RABGAP1L: variants seen among roughly 807,000 people sequenced by gnomAD.
RABGAP1L encodes the protein rab GTPase-activating protein 1-like.
A neutral mutation model predicts 137.7 loss-of-function variants in RABGAP1L; 63 were observed. The ratio of observed to expected loss-of-function variants is 0.46; its 90% CI spans 0.37 to 0.56. RABGAP1L has a LOEUF of 0.56. RABGAP1L is among the 20% of genes least tolerant of loss of function. RABGAP1L has a pLI of 0.00. For missense variants in RABGAP1L, 1,095 were observed against 1,244.0 expected, an observed-to-expected ratio of 0.88 and a Z score of 1.80; for synonymous variants, 431 against 433.7, an observed-to-expected ratio of 0.99 and a Z score of 0.08.
intron 13 of RABGAP1L, among the ~76,000 whole-genome samples, chr1:174,403,058 A>C (rs1648800924): frequency 6.6e-6 from 1 of 152,090 alleles, no homozygotes; most frequent in South Asian, 2.1e-4. Context: ...TAACGTGTGT[A>C]CTGTATACTT....
intron 17 of RABGAP1L, among the ~76,000 whole-genome samples, chr1:174,730,864 G>GA (rs879922940): frequency 6.6e-6 from 1 of 151,954 alleles, no homozygotes; most frequent in Admixed American, 6.6e-5. Flanking sequence ...TTGTGGCCTA[G>GA]AAAAAAAACT....
At chr1:174,947,799 G>A (rs1667120962) in intron 19 of RABGAP1L, among the ~76,000 whole-genome samples, 1 of 152,170 alleles carries the variant, frequency 6.6e-6, no homozygotes, top group South Asian at 2.1e-4. Context: ...CGAAGAATAT[G>A]GTTTTTCTCT....
At chr1:174,222,907 G>A (rs1453968155) in intron 3 of RABGAP1L, among the ~76,000 whole-genome samples, 6 of 152,076 alleles carry the variant, frequency 3.9e-5, no homozygotes, top group African/African-American at 7.2e-5. Flanking sequence ...AGGGTGAGGC[G>A]GGCAGATCAC....
At chr1:174,497,489 T>G (rs1182690539) in intron 13 of RABGAP1L, among the ~76,000 whole-genome samples, 2 of 152,200 alleles carry the variant, frequency 1.3e-5, no homozygotes, top group African/African-American at 4.8e-5. Context: ...AACCTTACTG[T>G]GTTTGTGTAA....
Position 174,254,021 on chromosome 1 carries a change from C to T in RABGAP1L, c.986+1431C>T, listed in dbSNP as rs183678979. 3.2e-4 allele frequency among the ~76,000 whole-genome samples: 48 copies of T among 152,040 alleles called. 1 individual carries two copies. The highest frequency in any genetic ancestry group is 1.1e-3 in the African/African-American group (46 of 41,500). ...GGATGAGGGTGGGAGGCAATTGAGG[C>T]GCTGGCTGATGGCATCATGGCCACT... On this transcript the variant is annotated intron_variant, in intron 7 of 25. Coordinates refer to ENST00000681986, the MANE Select transcript of RABGAP1L (RefSeq NM_001366446.1).
At chr1:174,364,518 T>C (rs1352263973) in intron 11 of RABGAP1L, among the ~76,000 whole-genome samples, 1 of 151,902 alleles carries the variant, frequency 6.6e-6, no homozygotes, top group Non-Finnish European at 1.5e-5. Flanking sequence ...CCTCCCAAAG[T>C]GCTGGGATTA....
intron 13 of RABGAP1L, among the ~76,000 whole-genome samples, chr1:174,410,285 C>G (rs888299369): frequency 1.1e-4 from 17 of 152,008 alleles, no homozygotes; most frequent in African/African-American, 3.9e-4. Context: ...AAATTATTTC[C>G]CAAGGCTGAT....
intron 13 of RABGAP1L, among the ~76,000 whole-genome samples, chr1:174,527,799 A>T (rs1664031639): frequency 6.6e-6 from 1 of 151,934 alleles, no homozygotes; most frequent in South Asian, 2.1e-4. Context: ...TTTATTTATG[A>T]ATGTGGGTGC....
chr1:174,749,458 A>T (rs1338599312), intron 17 of RABGAP1L, among the ~76,000 whole-genome samples: 1 of 151,736 alleles, frequency 6.6e-6, no homozygotes, highest in Non-Finnish European at 1.5e-5. Flanking sequence ...GCCTCCCATG[A>T]AGCTGGGACC....
At chr1:174,439,182 A>C (rs1050519988) in intron 13 of RABGAP1L, among the ~76,000 whole-genome samples, 2 of 151,940 alleles carry the variant, frequency 1.3e-5, no homozygotes, top group Non-Finnish European at 2.9e-5. Context: ...TAAATATTTC[A>C]CCATTAAATA....
At chr1:174,695,863 C>T (rs1286218004) in intron 15 of RABGAP1L, among the ~76,000 whole-genome samples, 1 of 152,222 alleles carries the variant, frequency 6.6e-6, no homozygotes, top group Non-Finnish European at 1.5e-5. Context: ...TGCAGACTCG[C>T]AGAGATATAG....
At chr1:174,590,019 G>A (rs939089531) in intron 13 of RABGAP1L, among the ~76,000 whole-genome samples, 22 of 151,712 alleles carry the variant, frequency 1.5e-4, no homozygotes, top group African/African-American at 4.6e-4. Context: ...ACTTTGATTC[G>A]GATTACACTG....
At chr1:174,526,712 ATTTCT>A (rs1315255398) in intron 13 of RABGAP1L, among the ~76,000 whole-genome samples, 2 of 151,676 alleles carry the variant, frequency 1.3e-5, no homozygotes, top group Non-Finnish European at 2.9e-5. Context: ...AATTTGGGTC[ATTTCT>A]TTTCCTGGTT....
At chr1:174,190,301 CAAAAAA>C (rs57629149) in intron 1 of RABGAP1L, among the ~76,000 whole-genome samples, 2 of 90,260 alleles carry the variant, frequency 2.2e-5, no homozygotes, top group Admixed American at 1.3e-4. Context: ...GACTCCGTTG[CAAAAAA>C]AAAAAAAAAA....
At position 174,276,978 on chromosome 1, in the gene RABGAP1L, G is replaced by A. The variant is rs1313346827; in HGVS notation, c.1156+1043G>A. On this transcript the variant is annotated intron_variant, in intron 9 of 25. Transcript: ENST00000681986. Reference sequence around the variant, plus strand: ...ATTAATTCATATTTAGAATATAATGGATCAGTTTGTTTTATCATTAATTTT... The same window carrying A: ...ATTAATTCATATTTAGAATATAATGAATCAGTTTGTTTTATCATTAATTTT... 9.6e-5 allele frequency among the ~76,000 whole-genome samples: 13 copies of A among 135,972 alleles called. No homozygotes were observed. In the South Asian group the frequency reaches 3.0e-3, roughly 32 times the overall value. 89.2% of individuals were successfully genotyped at this position (135,972 alleles called of 152,430 possible).
At chr1:174,872,725 A>G (rs1652405162) in intron 19 of RABGAP1L, among the ~76,000 whole-genome samples, 1 of 151,858 alleles carries the variant, frequency 6.6e-6, no homozygotes, top group East Asian at 1.9e-4. Context: ...ATTTTTTGTA[A>G]AGATGTAGTC....
chr1:174,418,138 G>T (rs1650822039), intron 13 of RABGAP1L, among the ~76,000 whole-genome samples: 1 of 152,160 alleles, frequency 6.6e-6, no homozygotes, highest in African/African-American at 2.4e-5. Flanking sequence ...TTGCTTACCG[G>T]TGCTTAGTGC....
intron 11 of RABGAP1L, among the ~76,000 whole-genome samples, chr1:174,307,926 A>T (rs12074107): frequency 0.28 from 42,772 of 151,922 alleles, 6,578 homozygotes; most frequent in African/African-American, 0.39. Context: ...CAATTTGTAT[A>T]TCTACCAATA....
intron 1 of RABGAP1L, among the ~76,000 whole-genome samples, chr1:174,213,691 G>A (rs1254180788): frequency 6.6e-6 from 1 of 152,180 alleles, no homozygotes; most frequent in Non-Finnish European, 1.5e-5. Flanking sequence ...ATCAATCGGT[G>A]TGATACATCA....
Sources: allele counts gnomAD v4.1 joint callset (sites outside exome capture counted in the v4.1 genomes callset), GRCh38; gene constraint gnomAD v4.1.1; transcripts MANE v1.5; gene names NCBI Gene and HGNC (gene_info 2026-07-23, HGNC 2026-07-21).